The following DCHS2 variants were observed in gnomAD, a reference collection of about 807,000 sequenced individuals.
DCHS2 encodes the protein dachsous cadherin-related 2.
Under a neutral mutation model 182.4 loss-of-function variants are expected in DCHS2, and 142 were observed. That is an observed-to-expected ratio of 0.78 (90% CI 0.68 to 0.89). The LOEUF (loss-of-function observed/expected upper bound fraction) is 0.89. Among genes scored for constraint, DCHS2 ranks in the 40% least tolerant of loss-of-function variants. The pLI, the probability that DCHS2 is intolerant of heterozygous loss-of-function variation, is 0.00. For synonymous variants in DCHS2, 1,740 were observed against 1,663.3 expected, an observed-to-expected ratio of 1.05 and a Z score of -1.12; for missense variants, 4,319 against 4,198.6, an observed-to-expected ratio of 1.03 and a Z score of -0.79.
chr4:154,347,159 T>A (rs1729398678), intron 3 of DCHS2, among the ~76,000 whole-genome samples: 1 of 151,042 alleles, frequency 6.6e-6, no homozygotes, highest in African/African-American at 2.5e-5. Flanking sequence ...GTTAGAGTTC[T>A]GATTCTATAT....
chr4:154,331,814 A>G, intron 5 of DCHS2: 1 of 1,282,664 alleles, frequency 7.8e-7, no homozygotes, highest in Non-Finnish European at 1.0e-6. Flanking sequence ...ATGTATTTGC[A>G]GTATAGATAT....
chr4:154,489,016 A>C (rs116468443), intron 1 of DCHS2, among the ~76,000 whole-genome samples: 2 of 151,996 alleles, frequency 1.3e-5, no homozygotes, highest in African/African-American at 4.8e-5. Context: ...TCCTGAACCT[A>C]TTTAGGTGCA....
intron 1 of DCHS2, among the ~76,000 whole-genome samples, chr4:154,425,588 C>G (rs1019698628): frequency 7.2e-5 from 11 of 152,178 alleles, no homozygotes; most frequent in Admixed American, 4.6e-4. Context: ...TAACACTTAG[C>G]AGGAACTGAA....
chr4:154,297,688 A>G (rs1167406885), intron 13 of DCHS2, among the ~76,000 whole-genome samples, 163 bp downstream of exon 13: 3 of 152,218 alleles, frequency 2.0e-5, no homozygotes, highest in African/African-American at 7.2e-5. Context: ...ATTTCATCTC[A>G]GACCAGGTTC....
At chr4:154,452,404 G>A (rs1184505395) in intron 1 of DCHS2, among the ~76,000 whole-genome samples, 2 of 152,066 alleles carry the variant, frequency 1.3e-5, no homozygotes, top group East Asian at 1.9e-4. Context: ...CGGGTGGATC[G>A]CCTGGGGTCA....
chr4:154,462,716 A>G (rs902349051), intron 1 of DCHS2, among the ~76,000 whole-genome samples: 1 of 152,192 alleles, frequency 6.6e-6, no homozygotes. Context: ...ACCAGAAAGC[A>G]TTAAACACTG....
rs1731242397 is a variant in DCHS2 at position 154,232,520 on chromosome 4, T to TAAC, written c.*2013_*2015dup. ...CTAACTTAGGGAATAGGTAGATGAA[T>TAAC]AACTCTTTTTAAGCATAAGTAAATG... On this transcript the variant is annotated 3_prime_UTR_variant, in exon 20 of 20. Transcript: ENST00000357232. The TAAC allele has an allele frequency of 6.6e-6, 1 of 152,160 alleles. No homozygotes were observed. Among genetic ancestry groups the TAAC allele is most frequent in the Admixed American group, 6.6e-5 (1 of 15,258 alleles). 9.4% of individuals were successfully genotyped at this position (152,160 alleles called of 1,614,324 possible).
chr4:154,434,115 A>G (rs1733675891), intron 1 of DCHS2, among the ~76,000 whole-genome samples: 1 of 152,238 alleles, frequency 6.6e-6, no homozygotes, highest in Non-Finnish European at 1.5e-5. Flanking sequence ...ATACAAAATT[A>G]TATGTTTACA....
At chr4:154,481,347 G>A (rs1552639) in intron 1 of DCHS2, among the ~76,000 whole-genome samples, 25,537 of 152,046 alleles carry the variant, frequency 0.17, 2,612 homozygotes, top group Admixed American at 0.28. Context: ...CTGCAGCCTC[G>A]ACCTCCCAGG....
rs118005779 is a variant in DCHS2 at position 154,292,511 on chromosome 4, C to T, written c.6463+5340G>A. ...GACTCCAGAATTCACATTAGAAAGCCTGGGCTGCTGGTATCTATTCTTGGC... is the reference window on the plus strand; with the variant it reads ...GACTCCAGAATTCACATTAGAAAGCTTGGGCTGCTGGTATCTATTCTTGGC... On this transcript the variant is annotated intron_variant, in intron 13 of 19. Coordinates refer to ENST00000357232, the MANE Select transcript of DCHS2 (RefSeq NM_001358235.2). Among the ~76,000 whole-genome samples, 56 of 152,328 alleles carry T rather than the reference C, an allele frequency of 3.7e-4. No homozygotes were observed. In the East Asian group the frequency reaches 8.5e-3, roughly 23 times the overall value.
At chr4:154,255,696 G>A in intron 15 of DCHS2, 26 bp from the exon 16 acceptor site, 1 of 1,607,352 alleles carries the variant, frequency 6.2e-7, no homozygotes, top group Non-Finnish European at 8.5e-7. Flanking sequence ...TGTTTCATTA[G>A]ATAAGATTTA....
intron 3 of DCHS2, among the ~76,000 whole-genome samples, chr4:154,343,888 G>C (rs1412003720): frequency 6.6e-6 from 1 of 152,164 alleles, no homozygotes; most frequent in East Asian, 1.9e-4. Flanking sequence ...CTGCACTTTT[G>C]TCATGCCTTC....
intron 1 of DCHS2, among the ~76,000 whole-genome samples, chr4:154,466,409 A>G (rs138887411): frequency 1.3e-5 from 2 of 152,238 alleles, no homozygotes; most frequent in African/African-American, 4.8e-5. Context: ...TGATGCCTGC[A>G]CACAGATAGA....
At chr4:154,361,714 A>T (rs966781191) in intron 3 of DCHS2, among the ~76,000 whole-genome samples, 3 of 152,056 alleles carry the variant, frequency 2.0e-5, no homozygotes, top group Non-Finnish European at 4.4e-5. Flanking sequence ...AGGAAGATAA[A>T]CCCACAAGAG....
intron 1 of DCHS2, among the ~76,000 whole-genome samples, chr4:154,422,605 T>C (rs1375407546): frequency 2.0e-5 from 3 of 152,228 alleles, no homozygotes; most frequent in African/African-American, 7.2e-5. Flanking sequence ...AAAACATATA[T>C]ATACCCATTC....
At chr4:154,422,362 A>G (rs543847759) in intron 1 of DCHS2, among the ~76,000 whole-genome samples, 2 of 152,324 alleles carry the variant, frequency 1.3e-5, no homozygotes, top group African/African-American at 4.8e-5. Context: ...GAACTCATCA[A>G]GACATACTGG....
intron 1 of DCHS2, among the ~76,000 whole-genome samples, chr4:154,378,547 A>AGGAC: frequency 6.6e-6 from 1 of 150,952 alleles, no homozygotes; most frequent in Non-Finnish European, 1.5e-5. Flanking sequence ...GAAGGAAGGA[A>AGGAC]GGAAGGAAGG....
chr4:154,424,070 AT>A (rs1289269055), intron 1 of DCHS2, among the ~76,000 whole-genome samples: 1 of 152,230 alleles, frequency 6.6e-6, no homozygotes, highest in African/African-American at 2.4e-5. Flanking sequence ...TGCTTGATGA[AT>A]TAGTACTTAG....
chr4:154,491,264 G>A lies in DCHS2; in HGVS notation c.92C>T (p.Thr31Ile), dbSNP rs959418043. 3 of 1,551,120 alleles carry A rather than the reference G, an allele frequency of 1.9e-6. No homozygotes were observed. Among genetic ancestry groups the A allele is most frequent in the African/African-American group, 1.4e-5 (1 of 73,036 alleles). The change falls in exon 1 of 20, where the codon ACA (threonine) becomes ATA (isoleucine). Residue 31 changes from threonine (T) to isoleucine (I), a missense_variant. Physicochemically the swap from Thr to Ile is moderately conservative, Grantham distance 89. Coordinates refer to ENST00000357232, the MANE Select transcript of DCHS2 (RefSeq NM_001358235.2). ...GCTGCTGCCTGACCGCCCATGGGGTGTATCTCTCCTCCCGGGGAGCAGAAG... is the reference window on the plus strand; with the variant it reads ...GCTGCTGCCTGACCGCCCATGGGGTATATCTCTCCTCCCGGGGAGCAGAAG... ...KLLLLPGRRD[T>I]PHGRSGSSGA...
Sources: gnomAD v4.1 joint callset for allele counts (sites outside exome capture counted in the v4.1 genomes callset) on GRCh38, gnomAD v4.1.1 for gene constraint, MANE v1.5 for transcripts, NCBI Gene and HGNC (gene_info 2026-07-23, HGNC 2026-07-21) for gene names.